The following ERN1 variants were observed in gnomAD, a reference collection of about 807,000 sequenced individuals.
The protein encoded by ERN1 is endoplasmic reticulum to nucleus signaling 1.
A neutral mutation model predicts 113.1 loss-of-function variants in ERN1; 39 were observed. That is an observed-to-expected ratio of 0.34 (90% CI 0.27 to 0.45). ERN1 has a LOEUF of 0.45. Among genes scored for constraint, ERN1 ranks in the 20% least tolerant of loss-of-function variants. The pLI is 1.00. For missense variants in ERN1, 976 were observed against 1,274.8 expected (o/e 0.77, Z 3.57); for synonymous variants, 507 against 515.9 (o/e 0.98, Z 0.23).
chr17:64,049,742 G>A lies in ERN1; in HGVS notation c.2254-540C>T, dbSNP rs1440838358. ...AACTATCTGACAAGTTACCAAGGAG[G>A]TCATGTTTGATGTTAATCCGAGAAA... On this transcript the variant is annotated intron_variant, in intron 17 of 21. Transcript: ENST00000433197. The surrounding 1 kb of genome is among the most constrained non-coding windows in gnomAD (Gnocchi z 4.7). Among the ~76,000 whole-genome samples, 2 of 152,184 alleles carry A rather than the reference G, an allele frequency of 1.3e-5. No homozygotes were observed. The highest frequency in any genetic ancestry group is 2.9e-5 in the Non-Finnish European group (2 of 68,040).
chr17:64,119,067 G>A (rs561337507), intron 1 of ERN1, among the ~76,000 whole-genome samples: 1 of 152,096 alleles, frequency 6.6e-6, no homozygotes, highest in Admixed American at 6.5e-5. Context: ...TACCCATCAG[G>A]ATACTGTGAA....
intron 2 of ERN1, among the ~76,000 whole-genome samples, chr17:64,086,792 G>A (rs908230730): frequency 3.3e-5 from 5 of 151,626 alleles, no homozygotes; most frequent in East Asian, 1.9e-4. Flanking sequence ...GACTACAGGC[G>A]TGTGCCACCA....
At chr17:64,086,917 T>C (rs1210275923) in intron 2 of ERN1, among the ~76,000 whole-genome samples, 1 of 152,148 alleles carries the variant, frequency 6.6e-6, no homozygotes, top group Non-Finnish European at 1.5e-5. Flanking sequence ...GTGCTGGGAT[T>C]ATAGGTGTGT....
At chr17:64,124,244 T>G (rs1016963849) in intron 1 of ERN1, among the ~76,000 whole-genome samples, 1 of 152,200 alleles carries the variant, frequency 6.6e-6, no homozygotes, top group Non-Finnish European at 1.5e-5. Context: ...CAACAATCTC[T>G]TTCCTAGATA....
intron 19 of ERN1, among the ~76,000 whole-genome samples, chr17:64,047,115 T>C (rs1469266950): frequency 6.6e-6 from 1 of 152,162 alleles, no homozygotes; most frequent in Non-Finnish European, 1.5e-5. Flanking sequence ...TCCCAGCACT[T>C]TGGGAGGCTG....
chr17:64,055,296 T>A (rs1325024473), intron 13 of ERN1, among the ~76,000 whole-genome samples: 4 of 152,184 alleles, frequency 2.6e-5, no homozygotes, highest in Non-Finnish European at 5.9e-5. Context: ...TCCCTCAGAA[T>A]TGGGGCTCTG....
intron 2 of ERN1, among the ~76,000 whole-genome samples, chr17:64,087,463 C>T (rs549198435): frequency 1.3e-4 from 20 of 152,336 alleles, no homozygotes; most frequent in African/African-American, 4.6e-4. Context: ...TAGTGGGTCC[C>T]ACTTCCACCC....
At chr17:64,065,328 T>C in intron 8 of ERN1, 41 bp from the exon 9 acceptor site, 1 of 1,450,740 alleles carries the variant, frequency 6.9e-7, no homozygotes, top group Non-Finnish European at 9.5e-7. Context: ...AGTCATTGAA[T>C]TTCCAGATCC....
At chr17:64,069,611 A>G (rs764205338) in intron 6 of ERN1, among the ~76,000 whole-genome samples, 1 of 152,222 alleles carries the variant, frequency 6.6e-6, no homozygotes, top group Non-Finnish European at 1.5e-5. Flanking sequence ...GCTGGATTTC[A>G]GAATTACTAA....
Position 64,066,628 on chromosome 17 carries a change from G to A in ERN1, c.842+43C>T, listed in dbSNP as rs533636821. ...CTACACTGCAACAGCACCAGAACAC[G>A]AAGGCCACGGCCGCCCTCTCCTTCC... is the stretch of plus-strand genomic sequence containing the variant. On this transcript the variant is annotated intron_variant, in intron 8 of 21. Transcript: ENST00000433197. 1.4e-5 allele frequency: 22 copies of A among 1,606,180 alleles called. 1 individual carries two copies. Among genetic ancestry groups the A allele is most frequent in the Non-Finnish European group, 1.7e-5 (20 of 1,174,746 alleles).
At position 64,049,721 on chromosome 17, in the gene ERN1, A is replaced by C. The variant is rs746163627; in HGVS notation, c.2254-519T>G. Among the ~76,000 whole-genome samples the C allele has an allele frequency of 6.6e-6, 1 of 152,208 alleles. No individual in the cohort carries two copies. Among genetic ancestry groups the C allele is most frequent in the Non-Finnish European group, 1.5e-5 (1 of 68,024 alleles). ...TCAAAAACAGCCCTAGAAAGAAACT[A>C]TCTGACAAGTTACCAAGGAGGTCAT... On this transcript the variant is annotated intron_variant, in intron 17 of 21. Transcript: ENST00000433197. This position sits in a 1 kb window ranked among gnomAD's most constrained non-coding sequence, Gnocchi z 4.7.
At position 64,054,400 on chromosome 17, in the gene ERN1, G is replaced by A. The variant is rs1351099297; in HGVS notation, c.1803C>T (p.Ile601=). ...FDNRDVAVKR[I]LPECFSFADR... is the part of the protein sequence containing the mutation. ...CTGCGAAGCTAAAACACTCGGGGAG[G>A]ATCCTCTTCACGGCCACGTCGCGGT... The change falls in exon 15 of 22, where the codon ATC becomes ATT. Residue 601 remains isoleucine (I), a synonymous_variant. Transcript: ENST00000433197. The surrounding 1 kb of genome is among the most constrained non-coding windows in gnomAD (Gnocchi z 4.9). 1 of 1,591,908 alleles carries A rather than the reference G, an allele frequency of 6.3e-7. No individual in the cohort carries two copies. Among genetic ancestry groups the A allele is most frequent in the Non-Finnish European group, 8.6e-7 (1 of 1,169,340 alleles).
intron 1 of ERN1, among the ~76,000 whole-genome samples, chr17:64,126,539 G>A (rs1321756444): frequency 6.6e-6 from 1 of 151,706 alleles, no homozygotes; most frequent in Non-Finnish European, 1.5e-5. Context: ...ACTCTCTCTC[G>A]AATAACTCTC....
At chr17:64,118,287 T>A (rs919763804) in intron 1 of ERN1, among the ~76,000 whole-genome samples, 1 of 152,196 alleles carries the variant, frequency 6.6e-6, no homozygotes, top group African/African-American at 2.4e-5. Flanking sequence ...ACCTCCGGAC[T>A]CTCACTTGCT....
intron 5 of ERN1, among the ~76,000 whole-genome samples, chr17:64,073,235 C>A (rs1913479626): frequency 6.6e-6 from 1 of 151,514 alleles, no homozygotes; most frequent in South Asian, 2.1e-4. Context: ...GTGGAGTGAT[C>A]TCGGCTCACT....
At chr17:64,077,328 A>C (rs1267271091) in intron 4 of ERN1, among the ~76,000 whole-genome samples, 1 of 152,150 alleles carries the variant, frequency 6.6e-6, no homozygotes, top group South Asian at 2.1e-4. Flanking sequence ...ACAGAAAAGC[A>C]CTCATCATCA....
At position 64,063,878 on chromosome 17, in the gene ERN1, A is replaced by G. The variant is rs1913130636; in HGVS notation, c.1087+108T>C. 1 of 1,033,634 alleles carries G rather than the reference A, an allele frequency of 9.7e-7. No homozygotes were observed. The highest frequency in any genetic ancestry group is 1.6e-5 in the African/African-American group (1 of 62,680). 64.0% of individuals were successfully genotyped at this position (1,033,634 alleles called of 1,614,324 possible). ...CAGGGGCCAGCCGGGAAGGGCTCTG[A>G]GCACAAGGCCTTCCGAGCTCAGTAC... is the stretch of plus-strand genomic sequence containing the variant. On this transcript the variant is annotated intron_variant, in intron 10 of 21. Transcript: ENST00000433197. The surrounding 1 kb of genome is among the most constrained non-coding windows in gnomAD (Gnocchi z 5.1).
intron 6 of ERN1, among the ~76,000 whole-genome samples, chr17:64,069,318 C>T (rs904980315): frequency 1.3e-5 from 2 of 151,876 alleles, no homozygotes; most frequent in African/African-American, 2.4e-5. Context: ...GGGAAGCCCA[C>T]ATAGTTTTTA....
At chr17:64,117,855 T>C (rs1004232224) in intron 1 of ERN1, among the ~76,000 whole-genome samples, 15 of 152,214 alleles carry the variant, frequency 9.9e-5, no homozygotes, top group Admixed American at 6.5e-4. Context: ...TTCTATATAA[T>C]GTATTTACCA....
Sources: allele counts gnomAD v4.1 joint callset (sites outside exome capture counted in the v4.1 genomes callset), GRCh38; gene constraint gnomAD v4.1.1; non-coding constraint Gnocchi (gnomAD v3.1); transcripts MANE v1.5; gene names NCBI Gene and HGNC (gene_info 2026-07-23, HGNC 2026-07-21).